The following FMN2 variants were observed in gnomAD, a reference collection of about 807,000 sequenced individuals.
FMN2 encodes the protein formin 2.
Under a neutral mutation model 142.3 loss-of-function variants are expected in FMN2, and 51 were observed. That is an observed-to-expected ratio of 0.36 (90% CI 0.29 to 0.45). The LOEUF (loss-of-function observed/expected upper bound fraction) is 0.45, where lower values mean the gene tolerates loss of function less well. FMN2 is among the 20% of genes least tolerant of loss of function. FMN2 has a pLI of 1.00. For synonymous variants in FMN2, 882 were observed against 869.8 expected, an observed-to-expected ratio of 1.01 and a Z score of -0.25; for missense variants, 1,936 against 2,122.8, an observed-to-expected ratio of 0.91 and a Z score of 1.73.
intron 13 of FMN2, among the ~76,000 whole-genome samples, chr1:240,354,858 CGTT>C (rs1225438603): frequency 2.6e-5 from 4 of 151,888 alleles, no homozygotes; most frequent in African/African-American, 4.8e-5. Flanking sequence ...TTGTTGTTGT[CGTT>C]GTTGTTTTTT....
intron 2 of FMN2, among the ~76,000 whole-genome samples, chr1:240,148,929 G>A (rs1004541202): frequency 2.0e-5 from 3 of 151,028 alleles, no homozygotes; most frequent in Non-Finnish European, 4.4e-5. Flanking sequence ...TCTAGATCGC[G>A]CCACTGCACT....
intron 6 of FMN2, among the ~76,000 whole-genome samples, chr1:240,254,211 C>T (rs561661214): frequency 6.6e-6 from 1 of 152,146 alleles, no homozygotes; most frequent in South Asian, 2.1e-4. Flanking sequence ...GCCTTAGGCT[C>T]CCAAGTGGTT....
At chr1:240,386,842 G>A (rs1225538478) in intron 14 of FMN2, among the ~76,000 whole-genome samples, 1 of 152,130 alleles carries the variant, frequency 6.6e-6, no homozygotes, top group East Asian at 1.9e-4. Flanking sequence ...GACCTAAAAG[G>A]TAATCTTATG....
intron 2 of FMN2, among the ~76,000 whole-genome samples, chr1:240,163,795 C>T (rs1444830907): frequency 1.3e-5 from 2 of 152,014 alleles, no homozygotes; most frequent in South Asian, 4.1e-4. Context: ...TTGGATTTAT[C>T]AATTACTCTT....
rs569980472 is a variant in FMN2 at position 240,351,820 on chromosome 1, T to C, written c.4766-3996T>C. On this transcript the variant is annotated intron_variant, in intron 13 of 17. Transcript: ENST00000319653. ...AGTAGATGATTCTGGAAGTTTCTAG[T>C]GTTAGCGTGTTCATACAGGATCCTA... 4.6e-5 allele frequency among the ~76,000 whole-genome samples: 7 copies of C among 152,186 alleles called. No individual in the cohort carries two copies. In the East Asian group the frequency reaches 1.4e-3, roughly 30 times the overall value.
At chr1:240,356,863 T>C (rs992702026) in intron 14 of FMN2, among the ~76,000 whole-genome samples, 5 of 152,224 alleles carry the variant, frequency 3.3e-5, no homozygotes, top group African/African-American at 1.2e-4. Context: ...TTTTTTAAGA[T>C]GGGAAAATAC....
At chr1:240,133,586 T>C (rs1302403800) in intron 2 of FMN2, among the ~76,000 whole-genome samples, 5 of 152,194 alleles carry the variant, frequency 3.3e-5, no homozygotes, top group Admixed American at 3.3e-4. Context: ...CACTTTCCTT[T>C]CCAAACTCTT....
chr1:240,216,239 G>T (rs1276084702), intron 6 of FMN2, among the ~76,000 whole-genome samples: 2 of 151,982 alleles, frequency 1.3e-5, no homozygotes, highest in African/African-American at 4.8e-5. Flanking sequence ...TTATCCCATG[G>T]TAAAAAAAAG....
intron 2 of FMN2, among the ~76,000 whole-genome samples, chr1:240,152,491 C>A (rs908771401): frequency 4.3e-4 from 65 of 152,202 alleles, no homozygotes; most frequent in African/African-American, 1.5e-3. Flanking sequence ...ATATGCTTAA[C>A]CTTTTGTTTC....
chr1:240,164,145 C>T (rs550659433), intron 2 of FMN2, among the ~76,000 whole-genome samples: 38 of 152,252 alleles, frequency 2.5e-4, no homozygotes, highest in African/African-American at 7.5e-4. Flanking sequence ...GCAGTCTTTC[C>T]GCCTTGGCCT....
chr1:240,436,844 G>T lies in FMN2; in HGVS notation c.4911-1217G>T, dbSNP rs116353745. ...TACTTTTGTCACTGAGCAAAATCAA[G>T]TTGCCTTTGATATTTCTACTTCAGA... On this transcript the variant is annotated intron_variant, in intron 15 of 17. Coordinates refer to ENST00000319653, the MANE Select transcript of FMN2 (RefSeq NM_020066.5). Among the ~76,000 whole-genome samples, 12 of 152,272 alleles carry T rather than the reference G, an allele frequency of 7.9e-5. No homozygotes were observed. The South Asian group carries it at 2.5e-3, about 32-fold the overall frequency.
chr1:240,391,610 C>G (rs960633835), intron 14 of FMN2, among the ~76,000 whole-genome samples: 1 of 152,096 alleles, frequency 6.6e-6, no homozygotes, highest in Non-Finnish European at 1.5e-5. Flanking sequence ...GATTTTCAAA[C>G]TGTGGGTCAC....
At chr1:240,226,169 A>G (rs1392864982) in intron 6 of FMN2, among the ~76,000 whole-genome samples, 1 of 152,218 alleles carries the variant, frequency 6.6e-6, no homozygotes, top group South Asian at 2.1e-4. Flanking sequence ...TTTATGAAAA[A>G]CATTAATACA....
At chr1:240,456,931 C>T (rs755675890) in intron 16 of FMN2, among the ~76,000 whole-genome samples, 6 of 152,172 alleles carry the variant, frequency 3.9e-5, no homozygotes, top group East Asian at 1.9e-4. Flanking sequence ...ATTTAAGGTT[C>T]GCTATGAAGA....
At chr1:240,121,718 T>G in intron 1 of FMN2, among the ~76,000 whole-genome samples, 1 of 126,652 alleles carries the variant, frequency 7.9e-6, no homozygotes, top group East Asian at 2.3e-4. Flanking sequence ...CTCTCTTGCC[T>G]TTTTTTAGGG....
chr1:240,097,238 G>GTCC (rs1227532339), intron 1 of FMN2, among the ~76,000 whole-genome samples: 2 of 151,952 alleles, frequency 1.3e-5, no homozygotes, highest in Non-Finnish European at 2.9e-5. Context: ...CATTAGTGAT[G>GTCC]TCCTCAACAG....
intron 2 of FMN2, among the ~76,000 whole-genome samples, chr1:240,135,412 T>C (rs1662895909): frequency 6.6e-6 from 1 of 152,236 alleles, no homozygotes; most frequent in Non-Finnish European, 1.5e-5. Flanking sequence ...GTCAATTTAT[T>C]TCATAAAGAA....
chr1:240,194,936 C>G (rs1665855831), intron 4 of FMN2, among the ~76,000 whole-genome samples: 1 of 105,266 alleles, frequency 9.5e-6, no homozygotes, highest in Non-Finnish European at 2.0e-5. Flanking sequence ...AATAAGAATT[C>G]CTATCTCTAC....
chr1:240,201,580 G>A (rs1295073651), intron 4 of FMN2, among the ~76,000 whole-genome samples: 1 of 152,090 alleles, frequency 6.6e-6, no homozygotes, highest in African/African-American at 2.4e-5. Flanking sequence ...GTGATATGAT[G>A]TCATATATCA....
Sources: gnomAD v4.1 joint callset for allele counts (sites outside exome capture counted in the v4.1 genomes callset) on GRCh38, gnomAD v4.1.1 for gene constraint, MANE v1.5 for transcripts, NCBI Gene and HGNC (gene_info 2026-07-23, HGNC 2026-07-21) for gene names.